Variants in PTPRD observed in about 807,000 individuals in gnomAD.
PTPRD encodes protein tyrosine phosphatase receptor type D, also known as receptor-type tyrosine-protein phosphatase delta.
PTPRD carries 34 observed loss-of-function variants against 214.5 expected under a neutral mutation model. That is an observed-to-expected ratio of 0.16 (90% CI 0.12 to 0.21). PTPRD has a LOEUF of 0.21. Ranked by LOEUF, PTPRD falls within the 10% of genes least tolerant of loss-of-function variation. PTPRD has a pLI of 1.00. For synonymous variants in PTPRD, 1,128 were observed against 845.7 expected (o/e 1.33, Z -5.79); for missense variants, 2,545 against 2,398.7 (o/e 1.06, Z -1.27).
At chr9:9,130,368 T>A (rs1445162159) in intron 10 of PTPRD, among the ~76,000 whole-genome samples, 1 of 152,208 alleles carries the variant, frequency 6.6e-6, no homozygotes, top group Non-Finnish European at 1.5e-5. Context: ...CAGTTAAGTT[T>A]CATTGGAATT....
chr9:9,866,504 T>C (rs7039940), intron 5 of PTPRD, among the ~76,000 whole-genome samples: 12,691 of 152,180 alleles, frequency 0.083, 1,241 homozygotes, highest in African/African-American at 0.24. Flanking sequence ...GAGGCTCTTT[T>C]GGTGCCATTT....
chr9:9,346,486 C>T (rs1236217068), intron 9 of PTPRD, among the ~76,000 whole-genome samples: 3 of 152,058 alleles, frequency 2.0e-5, no homozygotes, highest in Non-Finnish European at 4.4e-5. Context: ...ATTGTAAGTA[C>T]TTATTTATGA....
At chr9:9,645,473 A>G (rs1011456153) in intron 7 of PTPRD, among the ~76,000 whole-genome samples, 1 of 145,968 alleles carries the variant, frequency 6.9e-6, no homozygotes, top group Non-Finnish European at 1.5e-5. Context: ...ATATATATAT[A>G]TATATATTTT....
intron 25 of PTPRD, 35 bp from the exon 26 acceptor site, chr9:8,497,303 A>C: frequency 6.4e-7 from 1 of 1,560,616 alleles, no homozygotes; most frequent in Non-Finnish European, 8.7e-7. Context: ...AGGAAAACAA[A>C]ATAAAAAGAA....
intron 11 of PTPRD, among the ~76,000 whole-genome samples, chr9:8,907,873 G>C (rs1472025829): frequency 2.0e-5 from 3 of 151,918 alleles, no homozygotes; most frequent in African/African-American, 7.3e-5. Context: ...ATACATAAAA[G>C]GAGCAGAAAA....
chr9:10,391,424 G>A (rs1214179557), intron 2 of PTPRD, among the ~76,000 whole-genome samples: 1 of 151,720 alleles, frequency 6.6e-6, no homozygotes. Context: ...AGCCTGTTGA[G>A]CATGGTCTAG....
intron 3 of PTPRD, among the ~76,000 whole-genome samples, chr9:10,234,707 C>A (rs2099623212): frequency 6.6e-6 from 1 of 151,800 alleles, no homozygotes; most frequent in Non-Finnish European, 1.5e-5. Flanking sequence ...AATAAGTGAT[C>A]AAACTCTTTA....
Position 9,302,601 on chromosome 9 carries a change from C to CTTTTTTTTTTT in PTPRD, c.-203+94837_-203+94847dup, listed in dbSNP as rs3047853. On this transcript the variant is annotated intron_variant, in intron 9 of 45. Coordinates refer to ENST00000381196, the MANE Select transcript of PTPRD (RefSeq NM_002839.4). ...CATCATGTTTTGTAGTTTTTTTTTT[C>CTTTTTTTTTTT]TTTTTTTTTTTTTTTTGTCTTTCCT... Among the ~76,000 whole-genome samples, 208 of 111,838 alleles carry CTTTTTTTTTTT rather than the reference C, an allele frequency of 1.9e-3. 1 individual carries two copies. Among genetic ancestry groups the CTTTTTTTTTTT allele is most frequent in the Non-Finnish European group, 2.3e-3 (130 of 57,224 alleles). 73.4% of individuals were successfully genotyped at this position (111,838 alleles called of 152,430 possible).
chr9:9,748,899 A>G (rs978044813), intron 6 of PTPRD, among the ~76,000 whole-genome samples: 2 of 152,138 alleles, frequency 1.3e-5, no homozygotes, highest in South Asian at 2.1e-4. Flanking sequence ...ACTGATATTC[A>G]TTTATTGTGT....
chr9:9,180,503 T>C (rs201440593), intron 10 of PTPRD, among the ~76,000 whole-genome samples: 13 of 149,900 alleles, frequency 8.7e-5, no homozygotes, highest in East Asian at 2.0e-4. Flanking sequence ...TGCTAAATGA[T>C]GAGTTAATGG....
intron 39 of PTPRD, among the ~76,000 whole-genome samples, chr9:8,374,313 T>C (rs1054564967): frequency 6.6e-6 from 1 of 151,912 alleles, no homozygotes; most frequent in African/African-American, 2.4e-5. Flanking sequence ...AGAGGCACCA[T>C]ATAATCAGGT....
intron 30 of PTPRD, among the ~76,000 whole-genome samples, chr9:8,471,979 A>G (rs1245870773): frequency 2.0e-5 from 3 of 152,094 alleles, no homozygotes; most frequent in Non-Finnish European, 2.9e-5. Context: ...ATCACTTCCT[A>G]CTTCTCAGGT....
At chr9:9,478,946 T>C (rs1484570363) in intron 8 of PTPRD, among the ~76,000 whole-genome samples, 1 of 152,170 alleles carries the variant, frequency 6.6e-6, no homozygotes, top group Non-Finnish European at 1.5e-5. Context: ...TTTGTCATAG[T>C]AAACATGGCC....
chr9:8,383,712 GT>G (rs1303051884), intron 37 of PTPRD, among the ~76,000 whole-genome samples: 3 of 152,152 alleles, frequency 2.0e-5, no homozygotes, highest in Non-Finnish European at 4.4e-5. Flanking sequence ...TTTGTTAAGT[GT>G]CAAAATTTCA....
intron 42 of PTPRD, 142 bp downstream of exon 42, chr9:8,340,201 C>A: frequency 1.0e-6 from 1 of 970,396 alleles, no homozygotes; most frequent in Non-Finnish European, 1.4e-6. Context: ...TAGAAACTAA[C>A]AAGGAATGAT....
intron 8 of PTPRD, among the ~76,000 whole-genome samples, chr9:9,507,247 TATTA>T (rs1359967967): frequency 1.3e-5 from 2 of 151,290 alleles, no homozygotes; most frequent in Non-Finnish European, 3.0e-5. Context: ...ATACAATATA[TATTA>T]ATTTATCTAT....
intron 6 of PTPRD, among the ~76,000 whole-genome samples, chr9:9,750,050 A>G (rs190727644): frequency 1.3e-5 from 2 of 152,172 alleles, no homozygotes; most frequent in East Asian, 1.9e-4. Flanking sequence ...AACAACTACG[A>G]AAAATAAACT....
intron 3 of PTPRD, among the ~76,000 whole-genome samples, chr9:10,114,542 T>C (rs2098715301): frequency 1.3e-5 from 2 of 152,092 alleles, no homozygotes; most frequent in Non-Finnish European, 1.5e-5. Context: ...CATAAACTTA[T>C]ACATATATAT....
intron 6 of PTPRD, among the ~76,000 whole-genome samples, chr9:9,759,316 G>A (rs144787703): frequency 9.9e-5 from 15 of 152,126 alleles, no homozygotes; most frequent in Non-Finnish European, 1.5e-4. Flanking sequence ...ACTGACTGCC[G>A]CAAACCCCAG....
Sources: allele counts gnomAD v4.1 joint callset (sites outside exome capture counted in the v4.1 genomes callset), GRCh38; gene constraint gnomAD v4.1.1; transcripts MANE v1.5; gene names NCBI Gene and HGNC (gene_info 2026-07-23, HGNC 2026-07-21).